CDH7: variants seen among roughly 807,000 people sequenced by gnomAD.
The protein encoded by CDH7 is cadherin 7.
CDH7 carries 25 observed loss-of-function variants against 71.8 expected under a neutral mutation model. The observed-to-expected ratio is 0.35, with a 90% CI of 0.25 to 0.49. The LOEUF is 0.49. Among genes scored for constraint, CDH7 ranks in the 20% least tolerant of loss-of-function variants. The pLI is 0.99. For synonymous variants in CDH7, 381 were observed against 363.8 expected (o/e 1.05, Z -0.54); for missense variants, 862 against 974.6 (o/e 0.88, Z 1.54).
intron 2 of CDH7, among the ~76,000 whole-genome samples, chr18:65,779,082 G>GT (rs1272267728): frequency 7.9e-5 from 6 of 75,632 alleles, no homozygotes; most frequent in Admixed American, 1.2e-4. Context: ...TTGTTTGTTT[G>GT]TTTTTTTTAA....
chr18:65,800,942 C>A (rs915075941), intron 2 of CDH7, among the ~76,000 whole-genome samples: 1 of 152,158 alleles, frequency 6.6e-6, no homozygotes, highest in Non-Finnish European at 1.5e-5. Context: ...TTTGTCCCAA[C>A]TTAAATATCA....
In CDH7 at chr18:65,757,789, A is replaced by T. The variant is rs551059792; in HGVS notation, c.-196-4858A>T. ...TTCAACTGTATATCCATATATATATATATTTTTTTTTTCTGCACTTTTTAA... is the reference window on the plus strand; with the variant it reads ...TTCAACTGTATATCCATATATATATTTATTTTTTTTTTCTGCACTTTTTAA... On this transcript the variant is annotated intron_variant, in intron 1 of 11. Coordinates refer to ENST00000397968, the MANE Select transcript of CDH7 (RefSeq NM_004361.5). Among the ~76,000 whole-genome samples, 821 of 143,518 alleles carry T rather than the reference A, an allele frequency of 5.7e-3. 8 individuals are homozygous for T. The highest frequency in any genetic ancestry group is 0.021 in the African/African-American group (771 of 36,694). 94.2% of individuals were successfully genotyped at this position (143,518 alleles called of 152,430 possible).
chr18:65,863,694 A>G (rs1264410277), intron 11 of CDH7: 1 of 152,178 alleles, frequency 6.6e-6, no homozygotes, highest in Non-Finnish European at 1.5e-5. Context: ...AATTTCAGCA[A>G]TGCAAATCTT....
intron 2 of CDH7, among the ~76,000 whole-genome samples, chr18:65,793,142 C>T (rs954309815): frequency 1.6e-4 from 24 of 152,094 alleles, no homozygotes; most frequent in African/African-American, 5.5e-4. Context: ...CTAAATAAAT[C>T]TAAAAAACAT....
At chr18:65,844,103 A>C in intron 7 of CDH7, 38 bp downstream of exon 7, 1 of 1,587,904 alleles carries the variant, frequency 6.3e-7, no homozygotes, top group South Asian at 1.1e-5. Context: ...TGGTTTTACA[A>C]ACAATGCATT....
At position 65,809,977 on chromosome 18, in the gene CDH7, G is replaced by A; in HGVS notation, c.484G>A (p.Val162Ile). 1 of 1,611,082 alleles carries A rather than the reference G, an allele frequency of 6.2e-7. No individual in the cohort carries two copies. Among genetic ancestry groups the A allele is most frequent in the Non-Finnish European group, 8.5e-7 (1 of 1,177,518 alleles). ...TTTGGATGGCCCATACACGGCAGGA[G>A]TTCCCGAAATGTCTCCCGTGGGTAA... ...KFLDGPYTAGVPEMSPVGTSV... is the reference protein window; with the variant it reads ...KFLDGPYTAGIPEMSPVGTSV... The change falls in exon 3 of 12, where the codon GTT becomes ATT. Residue 162 changes from valine (V) to isoleucine (I), a missense_variant. Coordinates refer to ENST00000397968, the MANE Select transcript of CDH7 (RefSeq NM_004361.5).
In CDH7 at chr18:65,880,574, A is replaced by G; in HGVS notation, c.2038A>G (p.Thr680Ala). The change falls in exon 12 of 12, where the codon ACC becomes GCC. Residue 680 changes from threonine to alanine, a missense_variant. Transcript: ENST00000397968. ...GAGAAACCTCAACGTCATCCGAGAC[A>G]CCAAGACCCGGAGGGATGTGACTCC... Reference protein sequence around the residue: ...ALRNLNVIRDTKTRRDVTPEI... With the variant: ...ALRNLNVIRDAKTRRDVTPEI... 1.2e-6 allele frequency: 2 copies of G among 1,613,934 alleles called. No homozygotes were observed. The highest frequency in any genetic ancestry group is 1.7e-6 in the Non-Finnish European group (2 of 1,179,924).
At chr18:65,779,392 C>T (rs1221028515) in intron 2 of CDH7, among the ~76,000 whole-genome samples, 7 of 111,090 alleles carry the variant, frequency 6.3e-5, no homozygotes, top group Non-Finnish European at 1.2e-4. Flanking sequence ...CATGCTGGTG[C>T]GCTGCACCCA....
chr18:65,818,081 C>T (rs1460235041), intron 4 of CDH7, among the ~76,000 whole-genome samples: 4 of 152,018 alleles, frequency 2.6e-5, no homozygotes, highest in Non-Finnish European at 5.9e-5. Flanking sequence ...TTCACAATGT[C>T]TTGTGTTACA....
chr18:65,840,913 A>G (rs1352767383), intron 6 of CDH7, among the ~76,000 whole-genome samples: 7 of 152,068 alleles, frequency 4.6e-5, no homozygotes, highest in Admixed American at 4.6e-4. Context: ...TTTCAAGTAT[A>G]ATCTTAGTAA....
intron 11 of CDH7, among the ~76,000 whole-genome samples, chr18:65,879,735 C>A (rs1171626675): frequency 2.6e-5 from 4 of 152,104 alleles, no homozygotes; most frequent in African/African-American, 9.7e-5. Flanking sequence ...AGGGGTGATT[C>A]ATTTCTTAAA....
chr18:65,791,271 G>A (rs914464401), intron 2 of CDH7, among the ~76,000 whole-genome samples: 3 of 152,086 alleles, frequency 2.0e-5, no homozygotes, highest in African/African-American at 7.2e-5. Context: ...ACATTTAATC[G>A]GTCAGCTCTT....
chr18:65,842,123 G>T (rs12604428), intron 6 of CDH7, among the ~76,000 whole-genome samples: 2,575 of 152,204 alleles, frequency 0.017, 66 homozygotes, highest in African/African-American at 0.054. Context: ...CTTTGGGTCA[G>T]ATGTATAGTT....
At chr18:65,858,737 C>T (rs530760343) in intron 8 of CDH7, among the ~76,000 whole-genome samples, 188 bp from the exon 9 acceptor site, 14 of 151,958 alleles carry the variant, frequency 9.2e-5, no homozygotes, top group African/African-American at 3.1e-4. Context: ...TATATATACA[C>T]ACACATACAA....
chr18:65,882,100 T>TAA lies in CDH7; in HGVS notation c.*1209_*1210dup, dbSNP rs1914249759. 1 of 152,164 alleles carries TAA rather than the reference T, an allele frequency of 6.6e-6. No homozygotes were observed. Among genetic ancestry groups the TAA allele is most frequent in the Non-Finnish European group, 1.5e-5 (1 of 68,004 alleles). The allele number at this position is 152,164 out of a possible 1,614,324, so 9.4% of individuals were successfully genotyped here. A position where few individuals can be genotyped will look rare whatever the true frequency, so the allele number is the denominator to read the frequency against. On this transcript the variant is annotated 3_prime_UTR_variant, in exon 12 of 12. Coordinates refer to ENST00000397968, the MANE Select transcript of CDH7 (RefSeq NM_004361.5). ...CCTATTGAGTAAAATATTGAGTTTT[T>TAA]AAAAGTCTTAATATAATGTTATAAA...
Position 65,764,502 on chromosome 18 carries a change from C to T in CDH7, c.210+1450C>T, listed in dbSNP as rs143195570. 3.9e-3 allele frequency among the ~76,000 whole-genome samples: 588 copies of T among 152,078 alleles called. 4 individuals are homozygous for T. Among genetic ancestry groups the T allele is most frequent in the African/African-American group, 0.014 (569 of 41,516 alleles). Reference sequence around the variant, plus strand: ...ATATATGCTAAATATCTGTCTCACTCTCTTTTTACTTGTTTTCTTATAAAG... The same window carrying T: ...ATATATGCTAAATATCTGTCTCACTTTCTTTTTACTTGTTTTCTTATAAAG... On this transcript the variant is annotated intron_variant, in intron 2 of 11. Coordinates refer to ENST00000397968, the MANE Select transcript of CDH7 (RefSeq NM_004361.5).
chr18:65,838,960 C>T (rs1455993230), intron 6 of CDH7, among the ~76,000 whole-genome samples: 1 of 152,102 alleles, frequency 6.6e-6, no homozygotes, highest in Non-Finnish European at 1.5e-5. Flanking sequence ...AGTAATACAG[C>T]AAGTATTTAT....
intron 1 of CDH7, among the ~76,000 whole-genome samples, chr18:65,757,520 A>C (rs2143775061): frequency 6.6e-6 from 1 of 152,284 alleles, no homozygotes; most frequent in African/African-American, 2.4e-5. Context: ...ACATGGAAAA[A>C]TATTATAAAT....
chr18:65,820,113 C>CA (rs2143931864), intron 4 of CDH7, among the ~76,000 whole-genome samples: 1 of 104,402 alleles, frequency 9.6e-6, no homozygotes, highest in East Asian at 3.0e-4. Flanking sequence ...TGAACAATAG[C>CA]AATATAAGTT....
Sources: allele counts gnomAD v4.1 joint callset (sites outside exome capture counted in the v4.1 genomes callset), GRCh38; gene constraint gnomAD v4.1.1; transcripts MANE v1.5; gene names NCBI Gene and HGNC (gene_info 2026-07-23, HGNC 2026-07-21).